Variants in CEP128 observed in about 807,000 individuals in gnomAD.
CEP128 encodes centrosomal protein 128kDa.
Under a neutral mutation model 156.7 loss-of-function variants are expected in CEP128, and 132 were observed. The ratio of observed to expected loss-of-function variants is 0.84; its 90% CI spans 0.73 to 0.97. The LOEUF is 0.97. Ranked by LOEUF, CEP128 falls within the 50% of genes least tolerant of loss-of-function variation. The pLI, the probability that CEP128 is intolerant of heterozygous loss-of-function variation, is 0.00. For synonymous variants in CEP128, 469 were observed against 448.9 expected, an observed-to-expected ratio of 1.04 and a Z score of -0.57; for missense variants, 1,252 against 1,281.9, an observed-to-expected ratio of 0.98 and a Z score of 0.36.
chr14:80,640,975 T>C (rs181523260), intron 19 of CEP128, among the ~76,000 whole-genome samples: 2 of 152,314 alleles, frequency 1.3e-5, no homozygotes, highest in Non-Finnish European at 2.9e-5. Flanking sequence ...TTAATGCATT[T>C]ACATTCCTTG....
downstream of CEP128, among the ~76,000 whole-genome samples, chr14:80,486,094 T>C (rs1425176569): frequency 6.6e-6 from 1 of 152,168 alleles, no homozygotes; most frequent in East Asian, 1.9e-4. Context: ...TTAGCAAAGC[T>C]TCTAAATGGG....
chr14:80,899,702 C>T (rs1267427430), intron 7 of CEP128, among the ~76,000 whole-genome samples: 1 of 152,136 alleles, frequency 6.6e-6, no homozygotes, highest in South Asian at 2.1e-4. Flanking sequence ...TCCATAATAT[C>T]AGCATTCCAT....
chr14:80,888,082 G>A (rs1324762921), intron 8 of CEP128, among the ~76,000 whole-genome samples: 2 of 152,108 alleles, frequency 1.3e-5, no homozygotes, highest in African/African-American at 2.4e-5. Flanking sequence ...AAACCAGGAA[G>A]AAGTTGAATC....
intron 15 of CEP128, among the ~76,000 whole-genome samples, chr14:80,779,859 T>G (rs1341819307): frequency 6.6e-6 from 1 of 152,174 alleles, no homozygotes; most frequent in African/African-American, 2.4e-5. Flanking sequence ...AACAACCCAG[T>G]GATATAGAAG....
intron 23 of CEP128, among the ~76,000 whole-genome samples, chr14:80,521,804 G>A (rs940294604): frequency 3.3e-5 from 5 of 152,150 alleles, no homozygotes; most frequent in African/African-American, 1.2e-4. Flanking sequence ...TCCCGGCAGT[G>A]CTTGCCTTCA....
At chr14:80,667,944 T>C (rs1293646425) in intron 19 of CEP128, among the ~76,000 whole-genome samples, 5 of 151,756 alleles carry the variant, frequency 3.3e-5, no homozygotes, top group Admixed American at 3.3e-4. Context: ...AAAAATAGTA[T>C]CCCGCCCAAA....
At chr14:80,759,066 T>C (rs1265281670) in intron 17 of CEP128, among the ~76,000 whole-genome samples, 4 of 152,216 alleles carry the variant, frequency 2.6e-5, no homozygotes, top group Admixed American at 6.5e-5. Context: ...ATCTATTTAC[T>C]TGAGCTCTTG....
chr14:80,908,574 T>G (rs1385667001), intron 4 of CEP128, among the ~76,000 whole-genome samples: 1 of 152,218 alleles, frequency 6.6e-6, no homozygotes, highest in African/African-American at 2.4e-5. Context: ...ACTCTTAATC[T>G]ACTCTTTTAA....
At chr14:80,881,289 G>T (rs1888541154) in intron 8 of CEP128, among the ~76,000 whole-genome samples, 1 of 152,094 alleles carries the variant, frequency 6.6e-6, no homozygotes, top group African/African-American at 2.4e-5. Flanking sequence ...GCTACTATGA[G>T]TAACTATATG....
chr14:80,775,474 T>C (rs947299181), intron 16 of CEP128, among the ~76,000 whole-genome samples: 1 of 152,244 alleles, frequency 6.6e-6, no homozygotes, highest in African/African-American at 2.4e-5. Context: ...AATATAAGCA[T>C]GTTTGCGTGT....
intron 9 of CEP128, among the ~76,000 whole-genome samples, chr14:80,848,122 A>G (rs1231744252): frequency 3.9e-5 from 6 of 152,192 alleles, no homozygotes; most frequent in Non-Finnish European, 8.8e-5. Context: ...AAGTGTTAAG[A>G]AAACATACAA....
chr14:80,811,818 T>TTTAGATAGATAGATAGATAGA lies in CEP128; in HGVS notation c.1210-18709_1210-18708insTCTATCTATCTATCTATCTAA, dbSNP rs146742493. Among the ~76,000 whole-genome samples the TTTAGATAGATAGATAGATAGA allele has an allele frequency of 6.2e-3, 926 of 149,628 alleles. 7 individuals carry two copies. The highest frequency in any genetic ancestry group is 7.6e-3 in the Non-Finnish European group (511 of 67,504). ...GTGTGTGTGTGTGCACACGCATGTA[T>TTTAGATAGATAGATAGATAGA]TAGATAGATAGATAGATAGATAGAT... On this transcript the variant is annotated intron_variant, in intron 13 of 24. Transcript: ENST00000555265.
intron 19 of CEP128, among the ~76,000 whole-genome samples, chr14:80,615,429 T>G (rs963791991): frequency 6.6e-6 from 1 of 152,198 alleles, no homozygotes; most frequent in African/African-American, 2.4e-5. Flanking sequence ...TATCAGCAGC[T>G]AAGCAACTCA....
intron 14 of CEP128, among the ~76,000 whole-genome samples, chr14:80,787,714 T>A (rs1901485306): frequency 6.6e-6 from 1 of 152,168 alleles, no homozygotes. Context: ...TTGAAGCAGA[T>A]AACTTAGCCC....
chr14:80,922,982 A>T (rs1884955796), intron 2 of CEP128, among the ~76,000 whole-genome samples: 1 of 152,228 alleles, frequency 6.6e-6, no homozygotes. Context: ...ATTAACAAGA[A>T]AGCAACAATA....
intron 19 of CEP128, among the ~76,000 whole-genome samples, chr14:80,681,593 A>G (rs1896325877): frequency 1.3e-5 from 2 of 152,180 alleles, no homozygotes; most frequent in African/African-American, 4.8e-5. Context: ...TGTTCTCATG[A>G]TAGTGAGTGA....
At chr14:80,490,847 A>C (rs935322276) in intron 6 of CEP128, 1 of 152,180 alleles carries the variant, frequency 6.6e-6, no homozygotes, top group Admixed American at 6.5e-5. Flanking sequence ...GGCTATTATA[A>C]AATGAATGTC....
Position 80,747,970 on chromosome 14 carries a change from C to T in CEP128, c.2614-4703G>A, listed in dbSNP as rs375770012. 1.1e-4 allele frequency among the ~76,000 whole-genome samples: 17 copies of T among 152,262 alleles called. No homozygotes were observed. The South Asian group carries it at 2.1e-3, about 19-fold the overall frequency. Reference sequence around the variant, plus strand: ...TGATGACTGCACAATTCTGTAAATACACTAAAAAGCATTAAATGGTGCATT... The same window carrying T: ...TGATGACTGCACAATTCTGTAAATATACTAAAAAGCATTAAATGGTGCATT... On this transcript the variant is annotated intron_variant, in intron 18 of 24. Coordinates refer to ENST00000555265, the MANE Select transcript of CEP128 (RefSeq NM_152446.5).
chr14:80,638,596 C>G (rs1336900441), intron 19 of CEP128, among the ~76,000 whole-genome samples: 1 of 152,174 alleles, frequency 6.6e-6, no homozygotes, highest in African/African-American at 2.4e-5. Flanking sequence ...CTCTAGAACA[C>G]TTTTCATACC....
Sources: gnomAD v4.1 joint callset for allele counts (sites outside exome capture counted in the v4.1 genomes callset) on GRCh38, gnomAD v4.1.1 for gene constraint, MANE v1.5 for transcripts, NCBI Gene and HGNC (gene_info 2026-07-23, HGNC 2026-07-21) for gene names.